Variants in CWC22 observed in about 807,000 individuals in gnomAD.
CWC22 encodes the protein CWC22 spliceosome associated protein, also known as pre-mRNA-splicing factor CWC22 homolog.
In CWC22, 53 loss-of-function variants were observed where a neutral mutation model predicts 117.2. The ratio of observed to expected loss-of-function variants is 0.45; its 90% CI spans 0.36 to 0.57. The LOEUF is 0.57. Among genes scored for constraint, CWC22 ranks in the 20% least tolerant of loss-of-function variants. CWC22 has a pLI of 0.00. For synonymous variants in CWC22, 360 were observed against 355.6 expected, an observed-to-expected ratio of 1.01 and a Z score of -0.14; for missense variants, 980 against 1,068.8, an observed-to-expected ratio of 0.92 and a Z score of 1.16.
intron 6 of CWC22, among the ~76,000 whole-genome samples, chr2:179,976,558 A>G (rs1160577673): frequency 6.6e-6 from 1 of 151,910 alleles, no homozygotes; most frequent in Non-Finnish European, 1.5e-5. Context: ...ATTCAACTCA[A>G]TAGTAAGAAA....
At chr2:179,973,823 AAAGGAGTCAAC>A (rs749108228) in intron 6 of CWC22, 21 bp from the exon 7 acceptor site, 19 of 1,459,066 alleles carry the variant, frequency 1.3e-5, no homozygotes, top group Non-Finnish European at 1.7e-5. Flanking sequence ...AAGAATTTAA[AAAGGAGTCAAC>A]AATAATCACC....
chr2:179,969,314 GA>G (rs1367129915), intron 11 of CWC22, among the ~76,000 whole-genome samples: 1 of 151,926 alleles, frequency 6.6e-6, no homozygotes, highest in African/African-American at 2.4e-5. Context: ...AATTATAACA[GA>G]AAAAAAGAAT....
At chr2:179,948,537 C>G (rs1466132521) in intron 19 of CWC22, among the ~76,000 whole-genome samples, 2 of 152,136 alleles carry the variant, frequency 1.3e-5, no homozygotes, top group East Asian at 3.9e-4. Context: ...CCAGTGGACA[C>G]CACCTTACTC....
intron 2 of CWC22, among the ~76,000 whole-genome samples, chr2:179,990,552 GA>G (rs1687536145): frequency 7.2e-6 from 1 of 139,774 alleles, no homozygotes; most frequent in Non-Finnish European, 1.5e-5. Flanking sequence ...CAGACAGAGA[GA>G]GAGAGAGAGA....
intron 19 of CWC22, 81 bp downstream of exon 19, chr2:179,950,431 C>T: frequency 1.2e-6 from 1 of 848,438 alleles, no homozygotes; most frequent in South Asian, 1.7e-5. Context: ...AATAAACAAT[C>T]AAATTATTTT....
chr2:179,964,513 CAA>C, intron 13 of CWC22, 32 bp downstream of exon 13: 2 of 1,279,912 alleles, frequency 1.6e-6, no homozygotes, highest in Non-Finnish European at 2.2e-6. Context: ...TTATCAAAAA[CAA>C]AAAAAGGATG....
At position 179,951,377 on chromosome 2, in the gene CWC22, G is replaced by A. The variant is rs186219383; in HGVS notation, c.1818-451C>T. 5.4e-4 allele frequency among the ~76,000 whole-genome samples: 82 copies of A among 152,130 alleles called. 1 individual carries two copies. The highest frequency in any genetic ancestry group is 7.6e-4 in the Non-Finnish European group (52 of 67,986). On this transcript the variant is annotated intron_variant, in intron 17 of 19. Transcript: ENST00000410053. The stretch of plus-strand genomic sequence containing the variant: ...AGAGGTGGAAGTCATCAACAAAAGG[G>A]AGAAATCAAGGATGAAGACCATATA...
At chr2:179,956,813 T>C (rs1686604020) in intron 14 of CWC22, among the ~76,000 whole-genome samples, 1 of 151,254 alleles carries the variant, frequency 6.6e-6, no homozygotes, top group South Asian at 2.1e-4. Flanking sequence ...TTACATTTTA[T>C]AATATAACAG....
chr2:179,973,430 T>C (rs1461602949), intron 7 of CWC22, among the ~76,000 whole-genome samples, 184 bp from the exon 8 acceptor site: 1 of 152,228 alleles, frequency 6.6e-6, no homozygotes, highest in Non-Finnish European at 1.5e-5. Flanking sequence ...ATAGTTATAG[T>C]TCTACAGTTA....
intron 2 of CWC22, among the ~76,000 whole-genome samples, chr2:179,989,680 A>G (rs1025098113): frequency 6.6e-6 from 1 of 152,174 alleles, no homozygotes; most frequent in South Asian, 2.1e-4. Flanking sequence ...CCAGTTTGAG[A>G]CTACATCCTA....
intron 1 of CWC22, among the ~76,000 whole-genome samples, chr2:179,999,190 G>A (rs973826016): frequency 3.9e-5 from 6 of 152,048 alleles, no homozygotes; most frequent in East Asian, 1.9e-4. Context: ...ATGCCTGTTC[G>A]GAAATTCTGA....
intron 11 of CWC22, among the ~76,000 whole-genome samples, chr2:179,968,670 C>T (rs1179858699): frequency 2.0e-5 from 3 of 151,886 alleles, no homozygotes; most frequent in East Asian, 1.9e-4. Context: ...CCAGTTCAAG[C>T]GATTCTCCTG....
chr2:179,971,114 C>T (rs1687022234), intron 8 of CWC22, 38 bp from the exon 9 acceptor site: 1 of 1,293,462 alleles, frequency 7.7e-7, no homozygotes, highest in Non-Finnish European at 1.0e-6. Flanking sequence ...AAACAAAATG[C>T]TTTTACATAC....
At chr2:179,966,018 G>A in intron 11 of CWC22, 36 bp from the exon 12 acceptor site, 1 of 1,511,494 alleles carries the variant, frequency 6.6e-7, no homozygotes, top group Non-Finnish European at 9.1e-7. Context: ...AAAAAAATGT[G>A]CAAGTCATAT....
At chr2:179,965,192 C>G (rs1279503697) in intron 12 of CWC22, among the ~76,000 whole-genome samples, 1 of 152,080 alleles carries the variant, frequency 6.6e-6, no homozygotes, top group Admixed American at 6.5e-5. Context: ...AAAATTAAAT[C>G]TATTTTTACA....
At position 179,957,830 on chromosome 2, in the gene CWC22, T is replaced by C. The variant is rs1342328967; in HGVS notation, c.1458+1192A>G. Among the ~76,000 whole-genome samples the C allele has an allele frequency of 4.5e-5, 4 of 88,446 alleles. No homozygotes were observed. The East Asian group carries it at 1.1e-3, about 25-fold the overall frequency. 58.0% of individuals were successfully genotyped at this position (88,446 alleles called of 152,430 possible). ...CTAGATGGGAAGGAAGCAATATATA[T>C]AATATACATTAGAAAAAAAAAAACA... On this transcript the variant is annotated intron_variant, in intron 14 of 19. Transcript: ENST00000410053.
At chr2:179,974,004 G>A (rs1411872650) in intron 6 of CWC22, among the ~76,000 whole-genome samples, 3 of 152,038 alleles carry the variant, frequency 2.0e-5, no homozygotes, top group African/African-American at 7.3e-5. Context: ...TTGTAAAATA[G>A]AATGAAGATT....
chr2:179,992,440 AC>A (rs1353053567), intron 2 of CWC22, among the ~76,000 whole-genome samples: 1 of 152,004 alleles, frequency 6.6e-6, no homozygotes, highest in Non-Finnish European at 1.5e-5. Flanking sequence ...GGCATAGTTA[AC>A]TCTTACATTT....
intron 1 of CWC22, among the ~76,000 whole-genome samples, chr2:179,997,539 C>T (rs1015999739): frequency 1.2e-4 from 18 of 152,098 alleles, no homozygotes; most frequent in Non-Finnish European, 2.2e-4. Flanking sequence ...GTTTTAATGG[C>T]TATAAAGGTA....
Sources: allele counts gnomAD v4.1 joint callset (sites outside exome capture counted in the v4.1 genomes callset), GRCh38; gene constraint gnomAD v4.1.1; transcripts MANE v1.5; gene names NCBI Gene and HGNC (gene_info 2026-07-23, HGNC 2026-07-21).